Variants in PRR16 observed in about 807,000 individuals in gnomAD.
The protein encoded by PRR16 is protein Largen.
Under a neutral mutation model 18.2 loss-of-function variants are expected in PRR16, and 6 were observed. The ratio of observed to expected loss-of-function variants is 0.33; its 90% CI spans 0.18 to 0.65. PRR16 has a LOEUF of 0.65. Ranked by LOEUF, PRR16 falls within the 30% of genes least tolerant of loss-of-function variation. The pLI is 0.74. For missense variants in PRR16, 412 were observed against 376.6 expected (o/e 1.09, Z -0.78); for synonymous variants, 151 against 147.8 (o/e 1.02, Z -0.16).
At chr5:120,667,735 G>A (rs1377063461) in intron 1 of PRR16, among the ~76,000 whole-genome samples, 1 of 151,956 alleles carries the variant, frequency 6.6e-6, no homozygotes, top group African/African-American at 2.4e-5. Context: ...TCAGGAGCAG[G>A]TTGTTCAGTT....
rs116674618 is a variant in PRR16 at position 120,587,239 on chromosome 5, C to T, written c.160-98715C>T. On this transcript the variant is annotated intron_variant, in intron 1 of 1. Transcript: ENST00000407149. ...AAACAATTTCTATAACATAAAAGTG[C>T]AATATAAAGCAGCAGCAGATGATGG... Among the ~76,000 whole-genome samples, 1,237 of 152,190 alleles carry T rather than the reference C, an allele frequency of 8.1e-3. 24 individuals carry two copies. Among genetic ancestry groups the T allele is most frequent in the African/African-American group, 0.028 (1,148 of 41,526 alleles).
chr5:120,785,572 G>GTTTTTTATTTTTTTT, the PRR16 span, among the ~76,000 whole-genome samples: 1 of 119,908 alleles, frequency 8.3e-6, no homozygotes, highest in Non-Finnish European at 1.7e-5. Context: ...TTTTGTTGTT[G>GTTTTTTATTTTTTTT]TTGTTTTTTT....
chr5:120,794,150 T>A, the PRR16 span, among the ~76,000 whole-genome samples: 1 of 152,128 alleles, frequency 6.6e-6, no homozygotes, highest in Non-Finnish European at 1.5e-5. Flanking sequence ...AAGATTTACT[T>A]GCACTGCCAA....
rs191818621 is a variant in PRR16 at position 120,488,871 on chromosome 5, A to C, written c.159+24226A>C. On this transcript the variant is annotated intron_variant, in intron 1 of 1. Transcript: ENST00000407149. ...TTGTGTCTTTGTTCTCGTTGGTTTC[A>C]AAGAACATCTTTATTTCTGCCTTCA... Among the ~76,000 whole-genome samples, 572 of 152,276 alleles carry C rather than the reference A, an allele frequency of 3.8e-3. 4 individuals carry two copies. Among genetic ancestry groups the C allele is most frequent in the African/African-American group, 0.013 (552 of 41,546 alleles).
chr5:120,726,098 AG>A, the PRR16 span, among the ~76,000 whole-genome samples: 2 of 152,130 alleles, frequency 1.3e-5, no homozygotes, highest in African/African-American at 4.8e-5. Context: ...TACACAGTTC[AG>A]TACTGAATAT....
intron 1 of PRR16, among the ~76,000 whole-genome samples, chr5:120,638,879 A>G (rs187682691): frequency 1.7e-4 from 26 of 152,232 alleles, no homozygotes; most frequent in Non-Finnish European, 8.8e-5. Flanking sequence ...CAATATAATG[A>G]ATCATCTAAT....
intron 1 of PRR16, among the ~76,000 whole-genome samples, chr5:120,580,670 T>C (rs1213710945): frequency 6.6e-6 from 1 of 152,070 alleles, no homozygotes; most frequent in East Asian, 1.9e-4. Context: ...TTAGCCAGGA[T>C]GGTCTTGATC....
At chr5:120,671,326 G>A (rs1381700004) in intron 1 of PRR16, among the ~76,000 whole-genome samples, 1 of 151,830 alleles carries the variant, frequency 6.6e-6, no homozygotes, top group Non-Finnish European at 1.5e-5. Context: ...CAGAACTAAT[G>A]CTAGAAAAAA....
chr5:120,475,835 T>C (rs1749424061), intron 1 of PRR16, among the ~76,000 whole-genome samples: 2 of 152,174 alleles, frequency 1.3e-5, no homozygotes, highest in Admixed American at 1.3e-4. Context: ...GCAAAACATA[T>C]GTAGCCCCTG....
the PRR16 span, among the ~76,000 whole-genome samples, chr5:120,724,672 T>C: frequency 2.6e-5 from 4 of 152,080 alleles, no homozygotes; most frequent in Admixed American, 6.6e-5. Flanking sequence ...TGTCACAATG[T>C]CACTCCTTCA....
the PRR16 span, among the ~76,000 whole-genome samples, chr5:120,752,071 A>G: frequency 6.6e-6 from 1 of 152,008 alleles, no homozygotes; most frequent in Non-Finnish European, 1.5e-5. Context: ...ATTAATATTA[A>G]TTATATTACA....
chr5:120,572,001 G>T (rs748738346), intron 1 of PRR16, among the ~76,000 whole-genome samples: 2 of 152,094 alleles, frequency 1.3e-5, no homozygotes, highest in Admixed American at 6.6e-5. Flanking sequence ...TCCCTGCATG[G>T]TATCCAAACT....
intron 1 of PRR16, chr5:120,481,041 A>G: frequency 9.9e-7 from 1 of 1,009,938 alleles, no homozygotes; most frequent in East Asian, 8.4e-5. Context: ...AGTATTTTTC[A>G]ATATAAAGTA....
chr5:120,540,986 A>G (rs1751895116), intron 1 of PRR16, among the ~76,000 whole-genome samples: 1 of 152,242 alleles, frequency 6.6e-6, no homozygotes, highest in African/African-American at 2.4e-5. Flanking sequence ...GGGGATATGC[A>G]ACAAATGCAT....
intron 1 of PRR16, among the ~76,000 whole-genome samples, chr5:120,674,584 T>C (rs1411312669): frequency 6.6e-6 from 1 of 152,186 alleles, no homozygotes; most frequent in Non-Finnish European, 1.5e-5. Flanking sequence ...TTTCTGAGTG[T>C]CTTGAAATTG....
chr5:120,600,932 T>C (rs1753961126), intron 1 of PRR16, among the ~76,000 whole-genome samples: 3 of 151,884 alleles, frequency 2.0e-5, no homozygotes, highest in Non-Finnish European at 4.4e-5. Context: ...TGTTATATTG[T>C]ATAGTTTATA....
chr5:120,628,102 T>C (rs77371303), intron 1 of PRR16, among the ~76,000 whole-genome samples: 330 of 152,200 alleles, frequency 2.2e-3, no homozygotes, highest in African/African-American at 7.3e-3. Context: ...GTTTCTTACA[T>C]GTGAAGATGG....
At chr5:120,490,929 G>A in intron 1 of PRR16, among the ~76,000 whole-genome samples, 1 of 152,182 alleles carries the variant, frequency 6.6e-6, no homozygotes. Flanking sequence ...TCCAGACCCT[G>A]TTTGCCTGGA....
chr5:120,626,869 T>C (rs1484019137), intron 1 of PRR16, among the ~76,000 whole-genome samples: 1 of 152,166 alleles, frequency 6.6e-6, no homozygotes, highest in Non-Finnish European at 1.5e-5. Flanking sequence ...ACTGACCTTA[T>C]TTCTCTTGGA....
Sources: gnomAD v4.1 joint callset for allele counts (sites outside exome capture counted in the v4.1 genomes callset) on GRCh38, gnomAD v4.1.1 for gene constraint, MANE v1.5 for transcripts, NCBI Gene and HGNC (gene_info 2026-07-23, HGNC 2026-07-21) for gene names.